The following RARG variants were observed in gnomAD, a reference collection of about 807,000 sequenced individuals.
RARG encodes the protein RAR-gamma.
A neutral mutation model predicts 43.7 loss-of-function variants in RARG; 17 were observed. The ratio of observed to expected loss-of-function variants is 0.39; its 90% confidence interval spans 0.27 to 0.58. The LOEUF (loss-of-function observed/expected upper bound fraction) is 0.58, where lower values mean the gene tolerates loss of function less well. RARG is among the 20% of genes least tolerant of loss of function. The probability of loss-of-function intolerance (pLI) is 0.57; values close to 1 mark genes in which losing one functional copy is unlikely to be tolerated. For missense variants in RARG, 346 were observed against 598.7 expected, an observed-to-expected ratio of 0.58 and a Z score of 4.40; for synonymous variants, 238 against 236.4, an observed-to-expected ratio of 1.01 and a Z score of -0.06.
At chr12:53,212,051 C>T (rs1449288377) in intron 9 of RARG, among the ~76,000 whole-genome samples, 188 bp from the exon 10 acceptor site, 1 of 152,224 alleles carries the variant, frequency 6.6e-6, no homozygotes, top group African/African-American at 2.4e-5. Flanking sequence ...CTGCCTGGAA[C>T]CTCTACCTGG....
rs139288487 is a variant in RARG, at chr12:53,213,320, A to G, written c.1019-77T>C. 2.8e-5 allele frequency: 42 copies of G among 1,496,242 alleles called. No individual in the cohort carries two copies. In the African/African-American group the frequency reaches 2.9e-4, roughly 10 times the overall value. 92.7% of individuals were successfully genotyped at this position (1,496,242 alleles called of 1,614,324 possible). A position where few individuals can be genotyped will look rare whatever the true frequency, so the allele number is the denominator to read the frequency against. On this transcript the variant is annotated intron_variant, in intron 8 of 9. Coordinates refer to ENST00000425354, the MANE Select transcript of RARG (RefSeq NM_000966.6). The surrounding 1 kb of genome is among the most constrained non-coding windows in gnomAD (Gnocchi z 4.7). ...CACAGTGACAGATGGCTGATCACCA[A>G]CCGGCGTTTTGGGAAGCCTGTACAG...
At chr12:53,214,422 C>T (rs928162537) in intron 6 of RARG, 24 bp downstream of exon 6, 2 of 1,602,418 alleles carry the variant, frequency 1.2e-6, no homozygotes, top group African/African-American at 2.7e-5. Flanking sequence ...GCCCTGCCCT[C>T]ACTGGGCTCT....
intron 3 of RARG, among the ~76,000 whole-genome samples, chr12:53,218,493 TGAGAG>T (rs1942841778): frequency 6.6e-6 from 1 of 151,930 alleles, no homozygotes; most frequent in African/African-American, 2.4e-5. Context: ...TATTGGGCAA[TGAGAG>T]GAAAGTTAAG....
At position 53,213,518 on chromosome 12, in the gene RARG, G is replaced by A. The variant is rs1163960192; in HGVS notation, c.996C>T (p.Ser332=). The part of the protein sequence containing the change: ...EMDDTETGLL[S]AICLICGDRM... ...CACCTCCGCAGATGAGGCAGATGGC[G>A]CTGAGCAGCCCTGTCTCGGTGTCAT... is the stretch of plus-strand genomic sequence containing the variant. The change falls in exon 8 of 10, where the codon AGC becomes AGT. Residue 332 remains serine, a synonymous_variant. Coordinates refer to ENST00000425354, the MANE Select transcript of RARG (RefSeq NM_000966.6). This position sits in a 1 kb window ranked among gnomAD's most constrained non-coding sequence, Gnocchi z 4.7. 1.4e-5 allele frequency: 23 copies of A among 1,613,638 alleles called. No homozygotes were observed. The highest frequency in any genetic ancestry group is 2.2e-5 in the South Asian group (2 of 91,078).
Position 53,227,281 on chromosome 12 carries a change from G to A in RARG, c.184+81C>T. ...TCCCCTGCCTGCCTTCCTAACTGGG[G>A]TGCCAACTCTTTTACCATCCACCCT... On this transcript the variant is annotated intron_variant, in intron 3 of 9. Coordinates refer to ENST00000425354, the MANE Select transcript of RARG (RefSeq NM_000966.6). This position sits in a 1 kb window ranked among gnomAD's most constrained non-coding sequence, Gnocchi z 4.3. 1 of 1,391,090 alleles carries A rather than the reference G, an allele frequency of 7.2e-7. No individual in the cohort carries two copies. Among genetic ancestry groups the A allele is most frequent in the Non-Finnish European group, 9.6e-7 (1 of 1,040,078 alleles). The allele number at this position is 1,391,090 out of a possible 1,614,324, so 86.2% of individuals were successfully genotyped here.
chr12:53,231,481 C>G (rs1178535677), intron 1 of RARG: 1 of 152,250 alleles, frequency 6.6e-6, no homozygotes, highest in African/African-American at 2.4e-5. Context: ...AACTCCTGGA[C>G]GCGGAGGGCC....
intron 3 of RARG, among the ~76,000 whole-genome samples, chr12:53,224,861 C>T (rs1943069587): frequency 6.6e-6 from 1 of 152,112 alleles, no homozygotes; most frequent in African/African-American, 2.4e-5. Flanking sequence ...AGATGGAGCC[C>T]GGCCTGACCA....
At chr12:53,225,484 C>A (rs1592447023) in intron 3 of RARG, among the ~76,000 whole-genome samples, 2 of 152,322 alleles carry the variant, frequency 1.3e-5, no homozygotes. Flanking sequence ...AGCTGCCAGC[C>A]CAGCCTAGTC....
intron 9 of RARG, among the ~76,000 whole-genome samples, chr12:53,212,413 G>GT (rs909318378): frequency 4.7e-4 from 72 of 152,010 alleles, no homozygotes; most frequent in African/African-American, 1.5e-3. Flanking sequence ...TATGTTACAG[G>GT]TTTTTTTTGT....
At chr12:53,214,896 C>T (rs1030551310) in intron 5 of RARG, 11 of 417,138 alleles carry the variant, frequency 2.6e-5, no homozygotes, top group Admixed American at 1.6e-4. Context: ...GATATGCAGG[C>T]GGCAGGATAT....
intron 1 of RARG, chr12:53,231,657 C>G (rs546960437): frequency 1.2e-5 from 2 of 160,148 alleles, no homozygotes; most frequent in Non-Finnish European, 2.7e-5. Flanking sequence ...CCTGTCTTCT[C>G]TCACATTCCC....
intron 6 of RARG, 66 bp downstream of exon 6, chr12:53,214,380 A>G (rs1368118065): frequency 1.3e-6 from 2 of 1,577,334 alleles, no homozygotes; most frequent in East Asian, 4.5e-5. Flanking sequence ...AGCCTCCAAC[A>G]CAACCCAGCC....
chr12:53,219,713 G>C (rs553817175), intron 3 of RARG, among the ~76,000 whole-genome samples: 48 of 152,260 alleles, frequency 3.2e-4, no homozygotes, highest in African/African-American at 1.1e-3. Flanking sequence ...AGGAACTCTG[G>C]AGTGGCATCA....
rs1942661413 is a variant in RARG at position 53,213,315 on chromosome 12, C to A, written c.1019-72G>T. ...GAAGACACAGTGACAGATGGCTGAT[C>A]ACCAACCGGCGTTTTGGGAAGCCTG... On this transcript the variant is annotated intron_variant, in intron 8 of 9. Transcript: ENST00000425354. The surrounding 1 kb of genome is among the most constrained non-coding windows in gnomAD (Gnocchi z 4.7). 2 of 1,496,404 alleles carry A rather than the reference C, an allele frequency of 1.3e-6. No homozygotes were observed. The highest frequency in any genetic ancestry group is 1.8e-5 in the Admixed American group (1 of 56,146). The allele number at this position is 1,496,404 out of a possible 1,614,324, so 92.7% of individuals were successfully genotyped here.
intron 2 of RARG, among the ~76,000 whole-genome samples, chr12:53,230,367 G>C (rs113755181): frequency 6.6e-6 from 1 of 151,968 alleles, no homozygotes; most frequent in East Asian, 1.9e-4. Flanking sequence ...CGCCCTGCCC[G>C]CTCCAGAGCC....
Position 53,227,721 on chromosome 12 carries a change from G to C in RARG, c.-142-34C>G. 1 of 1,226,126 alleles carries C rather than the reference G, an allele frequency of 8.2e-7. No individual in the cohort carries two copies. Among genetic ancestry groups the C allele is most frequent in the South Asian group, 2.3e-5 (1 of 42,676 alleles). 76.0% of individuals were successfully genotyped at this position (1,226,126 alleles called of 1,614,324 possible). Reference sequence around the variant, plus strand: ...AAAGAGAGAGAAAGGAGAGATGAGAGAATGACCACTCTGAGGTTCCAAGCC... The same window carrying C: ...AAAGAGAGAGAAAGGAGAGATGAGACAATGACCACTCTGAGGTTCCAAGCC... On this transcript the variant is annotated intron_variant, in intron 2 of 9. Transcript: ENST00000425354. The surrounding 1 kb of genome is among the most constrained non-coding windows in gnomAD (Gnocchi z 4.3).
chr12:53,221,511 G>A (rs1592441133), intron 3 of RARG, among the ~76,000 whole-genome samples: 1 of 152,278 alleles, frequency 6.6e-6, no homozygotes, highest in Non-Finnish European at 1.5e-5. Flanking sequence ...TCTAGCCTAG[G>A]CATAACTGCC....
rs1942738230 is a variant in RARG, at chr12:53,215,604, GTAA to G, written c.333+39_333+41del. On this transcript the variant is annotated intron_variant, in intron 4 of 9. Transcript: ENST00000425354. This position sits in a 1 kb window ranked among gnomAD's most constrained non-coding sequence, Gnocchi z 6.4. The stretch of plus-strand genomic sequence containing the variant: ...GTGCCTGGTCTCTCATCTTACTAGG[GTAA>G]CTGGATCCCCCGTCTGCCCACTCCC... 1 of 1,596,416 alleles carries G rather than the reference GTAA, an allele frequency of 6.3e-7. No homozygotes were observed. The highest frequency in any genetic ancestry group is 8.6e-7 in the Non-Finnish European group (1 of 1,169,400).
chr12:53,216,763 T>C (rs1942771658), intron 3 of RARG, among the ~76,000 whole-genome samples: 1 of 151,774 alleles, frequency 6.6e-6, no homozygotes, highest in South Asian at 2.1e-4. Flanking sequence ...TCAAAAGGGG[T>C]CTCAGCCCCA....
Sources: gnomAD v4.1 joint callset for allele counts (sites outside exome capture counted in the v4.1 genomes callset) on GRCh38, gnomAD v4.1.1 for gene constraint, Gnocchi (gnomAD v3.1) non-coding constraint, MANE v1.5 for transcripts, NCBI Gene and HGNC (gene_info 2026-07-23, HGNC 2026-07-21) for gene names.